PDE1A: variants seen among roughly 807,000 people sequenced by gnomAD.
PDE1A encodes phosphodiesterase 1A.
Under a neutral mutation model 61.7 loss-of-function variants are expected in PDE1A, and 35 were observed. That is an observed-to-expected ratio of 0.57 (90% CI 0.43 to 0.75). The LOEUF (loss-of-function observed/expected upper bound fraction) is 0.75, where lower values mean the gene tolerates loss of function less well. PDE1A is among the 30% of genes least tolerant of loss of function. The pLI is 0.00. For synonymous variants in PDE1A, 232 were observed against 213.2 expected, an observed-to-expected ratio of 1.09 and a Z score of -0.77; for missense variants, 597 against 630.6, an observed-to-expected ratio of 0.95 and a Z score of 0.57.
chr2:182,661,052 A>G, the PDE1A span, among the ~76,000 whole-genome samples: 1 of 152,234 alleles, frequency 6.6e-6, no homozygotes, highest in East Asian at 1.9e-4. Context: ...ATACACAAAA[A>G]CATAGCTTCT....
At chr2:182,453,661 A>G (rs1263939437) in intron 2 of PDE1A, among the ~76,000 whole-genome samples, 6 of 152,182 alleles carry the variant, frequency 3.9e-5, no homozygotes, top group Admixed American at 3.9e-4. Context: ...AACCAAAGAC[A>G]AAAACCACAT....
the PDE1A span, among the ~76,000 whole-genome samples, chr2:182,656,359 TCTTA>T: frequency 2.0e-5 from 3 of 152,234 alleles, no homozygotes; most frequent in Admixed American, 1.3e-4. Flanking sequence ...TTTGACTCTA[TCTTA>T]CTTTTGTCAA....
At chr2:182,659,317 G>T in the PDE1A span, among the ~76,000 whole-genome samples, 23 of 152,062 alleles carry the variant, frequency 1.5e-4, no homozygotes, top group Non-Finnish European at 2.6e-4. Context: ...CTGTTAACTG[G>T]ACTATTTTAC....
At chr2:182,331,370 T>C (rs1294502226) in intron 1 of PDE1A, among the ~76,000 whole-genome samples, 1 of 152,230 alleles carries the variant, frequency 6.6e-6, no homozygotes, top group Admixed American at 6.5e-5. Context: ...AATATTGTTA[T>C]GTGTGAATTT....
chr2:182,236,346 G>GTTTT (rs201533399), intron 3 of PDE1A, among the ~76,000 whole-genome samples: 1 of 141,490 alleles, frequency 7.1e-6, no homozygotes, highest in East Asian at 2.0e-4. Context: ...ATACTCAGGT[G>GTTTT]TTTTTTTTTT....
chr2:182,249,139 C>T (rs1691207390), intron 2 of PDE1A, among the ~76,000 whole-genome samples: 1 of 152,232 alleles, frequency 6.6e-6, no homozygotes, highest in African/African-American at 2.4e-5. Context: ...CCTCAGCCCC[C>T]AAGTACAGTC....
At chr2:182,572,236 T>C in the PDE1A span, among the ~76,000 whole-genome samples, 51 of 152,244 alleles carry the variant, frequency 3.3e-4, no homozygotes, top group African/African-American at 7.5e-4. Flanking sequence ...ACTGGTGAGG[T>C]AGAAGACAAG....
Position 182,279,698 on chromosome 2 carries a change from C to T in PDE1A, c.54-15284G>A, listed in dbSNP as rs187532172. Among the ~76,000 whole-genome samples the T allele has an allele frequency of 8.6e-5, 13 of 151,910 alleles. No individual in the cohort carries two copies. In the East Asian group the frequency reaches 1.9e-3, roughly 23 times the overall value. The stretch of plus-strand genomic sequence containing the variant: ...AAAATTAAATGGCATATTTAATTTA[C>T]AAATACATATAGTTTTATAATGAAA... On this transcript the variant is annotated intron_variant, in intron 1 of 13. Transcript: ENST00000351439.
chr2:182,230,897 G>A, intron 5 of PDE1A, 118 bp downstream of exon 5: 1 of 657,786 alleles, frequency 1.5e-6, no homozygotes, highest in Admixed American at 2.5e-5. Context: ...TTAATTCTGT[G>A]ACCTGCTAAC....
the PDE1A span, among the ~76,000 whole-genome samples, chr2:182,630,852 C>G: frequency 3.9e-5 from 6 of 152,054 alleles, no homozygotes; most frequent in African/African-American, 1.2e-4. Flanking sequence ...CATAAACACA[C>G]CAAAATTTCT....
At chr2:182,591,675 C>G in the PDE1A span, among the ~76,000 whole-genome samples, 7 of 152,144 alleles carry the variant, frequency 4.6e-5, no homozygotes, top group Non-Finnish European at 7.3e-5. Flanking sequence ...AGCCTCTCCC[C>G]CAAGCTGTGA....
chr2:182,485,008 T>C (rs961014137), intron 2 of PDE1A, among the ~76,000 whole-genome samples: 12 of 152,088 alleles, frequency 7.9e-5, no homozygotes, highest in African/African-American at 2.4e-4. Flanking sequence ...AGCAATTCCA[T>C]TACTAGGTAT....
At chr2:182,316,577 T>C (rs1247891733) in intron 1 of PDE1A, among the ~76,000 whole-genome samples, 3 of 152,164 alleles carry the variant, frequency 2.0e-5, no homozygotes, top group Non-Finnish European at 2.9e-5. Context: ...CTAAAATATT[T>C]GTAAAAATAT....
the PDE1A span, among the ~76,000 whole-genome samples, chr2:182,601,251 C>T: frequency 6.6e-6 from 1 of 152,230 alleles, no homozygotes; most frequent in Non-Finnish European, 1.5e-5. Context: ...CTGGCTGCTG[C>T]AGTGTGGCAG....
chr2:182,268,470 T>C (rs957813902), intron 1 of PDE1A, among the ~76,000 whole-genome samples: 2 of 152,182 alleles, frequency 1.3e-5, no homozygotes, highest in East Asian at 1.9e-4. Context: ...CATATATACA[T>C]ATATAATGCA....
At chr2:182,462,286 C>T (rs923993067) in intron 2 of PDE1A, among the ~76,000 whole-genome samples, 1 of 151,114 alleles carries the variant, frequency 6.6e-6, no homozygotes, top group African/African-American at 2.4e-5. Flanking sequence ...CACATGCACC[C>T]TAGAACTTAA....
chr2:182,231,142 A>C lies in PDE1A; in HGVS notation c.418-11T>G. 1 of 1,356,206 alleles carries C rather than the reference A, an allele frequency of 7.4e-7. No individual in the cohort carries two copies. The highest frequency in any genetic ancestry group is 1.1e-6 in the Non-Finnish European group (1 of 951,498). 84.0% of individuals were successfully genotyped at this position (1,356,206 alleles called of 1,614,324 possible). A position where few individuals can be genotyped will look rare whatever the true frequency, so the allele number is the denominator to read the frequency against. ...CCATTTATCAACATCCTGTAGAAAA[A>C]AGAATAAATACTTTAGGTGCCAATA... On this transcript the variant is annotated splice_polypyrimidine_tract_variant and intron_variant, in intron 4 of 13. Coordinates refer to ENST00000351439, the Ensembl canonical transcript of PDE1A.
At chr2:182,378,458 T>C (rs879283434) in intron 1 of PDE1A, among the ~76,000 whole-genome samples, 1 of 152,236 alleles carries the variant, frequency 6.6e-6, no homozygotes, top group Non-Finnish European at 1.5e-5. Flanking sequence ...TTGAACTAAG[T>C]ACTTAAGACC....
chr2:182,575,125 T>A, the PDE1A span, among the ~76,000 whole-genome samples: 20 of 152,294 alleles, frequency 1.3e-4, no homozygotes, highest in East Asian at 3.7e-3. Context: ...CAGCAGGTCA[T>A]GGTTTTTTTC....
Sources: gnomAD v4.1 joint callset for allele counts (sites outside exome capture counted in the v4.1 genomes callset) on GRCh38, gnomAD v4.1.1 for gene constraint, MANE v1.5 for transcripts, NCBI Gene and HGNC (gene_info 2026-07-23, HGNC 2026-07-21) for gene names.